The following DLG2 variants were observed in gnomAD, a reference collection of about 807,000 sequenced individuals.
DLG2 encodes the protein discs large MAGUK scaffold protein 2.
In DLG2, 45 loss-of-function variants were observed where a neutral mutation model predicts 132.5. The observed-to-expected ratio is 0.34, with a 90% CI of 0.27 to 0.44. DLG2 has a LOEUF of 0.44. DLG2 is among the 20% of genes least tolerant of loss of function. The pLI, the probability that DLG2 is intolerant of heterozygous loss-of-function variation, is 1.00. For missense variants in DLG2, 1,045 were observed against 1,196.9 expected, an observed-to-expected ratio of 0.87 and a Z score of 1.87; for synonymous variants, 424 against 419.6, an observed-to-expected ratio of 1.01 and a Z score of -0.13.
intron 6 of DLG2, among the ~76,000 whole-genome samples, chr11:85,106,271 C>T (rs2071734233): frequency 6.6e-6 from 1 of 151,878 alleles, no homozygotes; most frequent in African/African-American, 2.4e-5. Context: ...AAACCTGGCC[C>T]CACTCCTTAA....
intron 18 of DLG2, among the ~76,000 whole-genome samples, chr11:83,676,128 A>G (rs989425353): frequency 2.6e-5 from 4 of 152,106 alleles, no homozygotes; most frequent in African/African-American, 9.7e-5. Flanking sequence ...ATGGGGCTGG[A>G]GATTTGGTCT....
At chr11:84,202,304 G>C (rs762937177) in intron 8 of DLG2, among the ~76,000 whole-genome samples, 1 of 152,062 alleles carries the variant, frequency 6.6e-6, no homozygotes, top group Non-Finnish European at 1.5e-5. Context: ...AGAATCCAGA[G>C]ATGAGATTTC....
At chr11:83,495,147 G>A (rs2094081859) in intron 21 of DLG2, among the ~76,000 whole-genome samples, 2 of 152,120 alleles carry the variant, frequency 1.3e-5, no homozygotes, top group African/African-American at 2.4e-5. Flanking sequence ...TAGATGTTCA[G>A]CTCTGTGTCA....
intron 14 of DLG2, among the ~76,000 whole-genome samples, chr11:83,955,441 G>A (rs1420192838): frequency 6.6e-6 from 1 of 152,166 alleles, no homozygotes; most frequent in Non-Finnish European, 1.5e-5. Context: ...CAAACGCCTA[G>A]GCAGATAGGG....
At chr11:84,211,079 A>C (rs2096748365) in intron 8 of DLG2, among the ~76,000 whole-genome samples, 1 of 152,244 alleles carries the variant, frequency 6.6e-6, no homozygotes, top group Non-Finnish European at 1.5e-5. Flanking sequence ...AAAAGAAACA[A>C]AACAACTGTA....
In DLG2 at chr11:84,906,166, A is replaced by C. The variant is rs568114812; in HGVS notation, c.357+205495T>G. On this transcript the variant is annotated intron_variant, in intron 6 of 27. Transcript: ENST00000376104. ...TAATTTTTATTTTCTTGAACAACAG[A>C]GTTAAGTTCCCTTTTTTCCTTTTTT... is the stretch of plus-strand genomic sequence containing the variant. 3.6e-4 allele frequency among the ~76,000 whole-genome samples: 55 copies of C among 151,570 alleles called. 1 individual carries two copies. The South Asian group carries it at 0.011, about 31-fold the overall frequency.
chr11:85,473,483 A>T (rs890431024), intron 3 of DLG2, among the ~76,000 whole-genome samples: 3 of 152,226 alleles, frequency 2.0e-5, no homozygotes, highest in East Asian at 1.9e-4. Context: ...TATATTTTTT[A>T]AAAAATTTAA....
chr11:85,362,598 CT>C (rs569369008), intron 3 of DLG2, among the ~76,000 whole-genome samples: 21 of 150,030 alleles, frequency 1.4e-4, no homozygotes, highest in African/African-American at 3.4e-4. Flanking sequence ...ATTTGGATGC[CT>C]TTTTTTTTAT....
intron 18 of DLG2, among the ~76,000 whole-genome samples, chr11:83,675,843 T>G (rs1181355342): frequency 6.6e-6 from 1 of 152,178 alleles, no homozygotes; most frequent in East Asian, 1.9e-4. Flanking sequence ...CTTTCCTTCT[T>G]TCTTCTCCCC....
intron 16 of DLG2, among the ~76,000 whole-genome samples, chr11:83,871,508 G>A (rs1354932988): frequency 6.6e-6 from 1 of 152,194 alleles, no homozygotes; most frequent in East Asian, 1.9e-4. Flanking sequence ...GCATTAGGAA[G>A]GAGAGTTTTC....
At chr11:83,496,249 A>G (rs1256586428) in intron 21 of DLG2, among the ~76,000 whole-genome samples, 1 of 151,586 alleles carries the variant, frequency 6.6e-6, no homozygotes, top group Non-Finnish European at 1.5e-5. Flanking sequence ...CATCGGGGAG[A>G]TGCAAATTAA....
At chr11:83,601,497 A>AAT (rs1230978693) in intron 19 of DLG2, among the ~76,000 whole-genome samples, 4 of 143,710 alleles carry the variant, frequency 2.8e-5, no homozygotes, top group Admixed American at 7.3e-5. Context: ...GCTGCAAAGT[A>AAT]ATATGTGATG....
At chr11:84,128,035 T>A (rs559087064) in intron 9 of DLG2, among the ~76,000 whole-genome samples, 2 of 152,234 alleles carry the variant, frequency 1.3e-5, no homozygotes, top group African/African-American at 4.8e-5. Context: ...CCCTTTTCAA[T>A]GTTTGCTCAA....
intron 6 of DLG2, among the ~76,000 whole-genome samples, chr11:84,760,832 C>G (rs552158245): frequency 6.6e-6 from 1 of 151,946 alleles, no homozygotes; most frequent in South Asian, 2.1e-4. Flanking sequence ...GACACTGGGC[C>G]GGCGACAGTC....
chr11:85,298,194 T>C (rs1464562506), intron 3 of DLG2, among the ~76,000 whole-genome samples: 1 of 151,550 alleles, frequency 6.6e-6, no homozygotes, highest in Admixed American at 6.6e-5. Context: ...GAAAAGAGAG[T>C]GAAAATATGG....
chr11:85,482,465 A>C (rs1186274849), intron 3 of DLG2, among the ~76,000 whole-genome samples: 1 of 152,140 alleles, frequency 6.6e-6, no homozygotes, highest in Non-Finnish European at 1.5e-5. Flanking sequence ...AGACCCCAGA[A>C]GAACCAGTCC....
chr11:84,406,665 G>T (rs1474144398), intron 7 of DLG2, among the ~76,000 whole-genome samples: 3 of 152,192 alleles, frequency 2.0e-5, no homozygotes, highest in African/African-American at 4.8e-5. Flanking sequence ...GCTGTTCAAA[G>T]AATTCCTCTT....
chr11:83,651,255 G>C (rs977455764), intron 18 of DLG2, among the ~76,000 whole-genome samples: 1 of 152,140 alleles, frequency 6.6e-6, no homozygotes, highest in African/African-American at 2.4e-5. Flanking sequence ...TGGAATGTCA[G>C]AGAGTAAGTA....
chr11:84,534,615 T>C lies in DLG2; in HGVS notation c.474A>G (p.Glu158=). 1 of 1,614,020 alleles carries C rather than the reference T, an allele frequency of 6.2e-7. No homozygotes were observed. The highest frequency in any genetic ancestry group is 8.5e-7 in the Non-Finnish European group (1 of 1,179,954). ...ACTGCAAGACATATCCATGGACATTTTCTATTTGAGAGAGGTTCTTTTCTG... is the reference window on the plus strand; with the variant it reads ...ACTGCAAGACATATCCATGGACATTCTCTATTTGAGAGAGGTTCTTTTCTG... The part of the protein sequence containing the change: ...HVSEKNLSQI[E]NVHGYVLQSH... Residue 158 remains glutamate, a synonymous_variant, in exon 7 of 28, where the codon GAA becomes GAG. Coordinates refer to ENST00000376104, the MANE Select transcript of DLG2 (RefSeq NM_001142699.3).
Sources: allele counts gnomAD v4.1 joint callset (sites outside exome capture counted in the v4.1 genomes callset), GRCh38; gene constraint gnomAD v4.1.1; transcripts MANE v1.5; gene names NCBI Gene and HGNC (gene_info 2026-07-23, HGNC 2026-07-21).